Variants in PDZRN3 observed in about 807,000 individuals in gnomAD.
PDZRN3 encodes the protein PDZ domain containing ring finger 3, also known as E3 ubiquitin-protein ligase PDZRN3.
PDZRN3 carries 38 observed loss-of-function variants against 85.7 expected under a neutral mutation model. The observed-to-expected ratio is 0.44, with a 90% CI of 0.34 to 0.58. The LOEUF is 0.58. PDZRN3 is among the 20% of genes least tolerant of loss of function. The pLI, the probability that PDZRN3 is intolerant of heterozygous loss-of-function variation, is 0.01. For missense variants in PDZRN3, 1,629 were observed against 1,506.4 expected (o/e 1.08, Z -1.35); for synonymous variants, 759 against 638.0 (o/e 1.19, Z -2.86).
At position 73,453,677 on chromosome 3, in the gene PDZRN3, AAC is replaced by A. The variant is rs748351932; in HGVS notation, c.919-49284_919-49283del. ...TAGCAACGTTGATATTGTAATGCAA[AAC>A]ACAGTTTGAAAAACTCTTAAATTTC... is the stretch of plus-strand genomic sequence containing the variant. On this transcript the variant is annotated intron_variant, in intron 3 of 9. Transcript: ENST00000263666. 3.3e-5 allele frequency among the ~76,000 whole-genome samples: 5 copies of A among 152,112 alleles called. No homozygotes were observed. In the South Asian group the frequency reaches 6.2e-4, roughly 19 times the overall value.
intron 5 of PDZRN3, among the ~76,000 whole-genome samples, chr3:73,399,674 C>T (rs1189112654): frequency 1.3e-5 from 2 of 152,122 alleles, no homozygotes; most frequent in African/African-American, 4.8e-5. Context: ...TTTTCTGGAA[C>T]AATTGTTAAA....
At chr3:73,393,279 T>C (rs1360537954) in intron 5 of PDZRN3, among the ~76,000 whole-genome samples, 1 of 152,182 alleles carries the variant, frequency 6.6e-6, no homozygotes, top group East Asian at 1.9e-4. Context: ...TCTGAATGGC[T>C]GGCCGCCAAG....
Position 73,414,480 on chromosome 3 carries a change from G to T in PDZRN3, c.919-10085C>A, listed in dbSNP as rs151035328. Among the ~76,000 whole-genome samples the T allele has an allele frequency of 3.1e-3, 470 of 152,180 alleles. 5 individuals carry two copies. Among genetic ancestry groups the T allele is most frequent in the African/African-American group, 0.011 (453 of 41,504 alleles). ...ATCCAAAGAAATAAAATTATGATGTGTATCACTTGATCAAAATTAATTTTG... is the reference window on the plus strand; with the variant it reads ...ATCCAAAGAAATAAAATTATGATGTTTATCACTTGATCAAAATTAATTTTG... On this transcript the variant is annotated intron_variant, in intron 3 of 9. Transcript: ENST00000263666.
intron 2 of PDZRN3, among the ~76,000 whole-genome samples, chr3:73,607,849 ACTT>A: frequency 6.6e-6 from 1 of 152,176 alleles, no homozygotes; most frequent in Admixed American, 6.5e-5. Context: ...TATGTTCAAT[ACTT>A]ATTTGTTGAA....
intron 5 of PDZRN3, among the ~76,000 whole-genome samples, chr3:73,399,723 AC>A (rs1217816748): frequency 1.3e-5 from 2 of 152,146 alleles, no homozygotes; most frequent in Non-Finnish European, 2.9e-5. Context: ...GCAAGCAGAA[AC>A]AGTCAAGTTT....
Position 73,385,804 on chromosome 3 carries a change from A to G in PDZRN3, c.1519-19T>C, listed in dbSNP as rs779489042. 7 of 1,341,466 alleles carry G rather than the reference A, an allele frequency of 5.2e-6. No individual in the cohort carries two copies. The East Asian group carries it at 1.6e-4, about 31-fold the overall frequency. 83.1% of individuals were successfully genotyped at this position (1,341,466 alleles called of 1,614,324 possible). ...CATCCAGCTGCAGGCAAGAGCAGCCAACACATGCCTTAGAAGTTTCCTTTC... is the reference window on the plus strand; with the variant it reads ...CATCCAGCTGCAGGCAAGAGCAGCCGACACATGCCTTAGAAGTTTCCTTTC... On this transcript the variant is annotated intron_variant, in intron 8 of 9. Transcript: ENST00000263666.
intron 1 of PDZRN3, among the ~76,000 whole-genome samples, chr3:73,617,961 C>T (rs999015942): frequency 1.3e-5 from 2 of 152,230 alleles, no homozygotes; most frequent in African/African-American, 4.8e-5. Context: ...CCGGCTAGGC[C>T]TCCCAAACTG....
chr3:73,400,929 T>G lies in PDZRN3; in HGVS notation c.1247A>C (p.Glu416Ala). 1 of 1,609,828 alleles carries G rather than the reference T, an allele frequency of 6.2e-7. No individual in the cohort carries two copies. The highest frequency in any genetic ancestry group is 8.5e-7 in the Non-Finnish European group (1 of 1,176,040). The change falls in exon 5 of 10, where the codon GAG (glutamate) becomes GCG (alanine). Residue 416 changes from glutamate (E) to alanine (A), a missense_variant. Glu to Ala is a moderately radical substitution (Grantham distance 107). Transcript: ENST00000263666. The stretch of plus-strand genomic sequence containing the variant: ...CAAGGATGTTCTTCATACCTCCAGC[T>G]CCAGCTCCTCCCTGTCCATCTCCTG... ...IHQEMDREEL[E>A]LEEVDLYRMN...
At chr3:73,421,794 T>C (rs1702208397) in intron 3 of PDZRN3, among the ~76,000 whole-genome samples, 1 of 152,108 alleles carries the variant, frequency 6.6e-6, no homozygotes, top group Non-Finnish European at 1.5e-5. Flanking sequence ...ACTACAGGTG[T>C]GTGCCACCAC....
chr3:73,587,482 T>C (rs1702294752), intron 3 of PDZRN3, among the ~76,000 whole-genome samples: 2 of 152,184 alleles, frequency 1.3e-5, no homozygotes, highest in South Asian at 4.1e-4. Flanking sequence ...ATACAGTAAA[T>C]AGCTACAAAT....
intron 3 of PDZRN3, among the ~76,000 whole-genome samples, chr3:73,447,757 C>G (rs1702779554): frequency 6.6e-6 from 1 of 152,182 alleles, no homozygotes; most frequent in Middle Eastern, 3.2e-3. Flanking sequence ...GTGGCCCCAG[C>G]CTTCTGTTAA....
chr3:73,548,831 G>C (rs1701488184), intron 3 of PDZRN3, among the ~76,000 whole-genome samples: 1 of 152,052 alleles, frequency 6.6e-6, no homozygotes, highest in African/African-American at 2.4e-5. Context: ...ACAAAAAGCA[G>C]GACAACAGAT....
intron 3 of PDZRN3, among the ~76,000 whole-genome samples, chr3:73,597,524 C>T (rs570493444): frequency 6.6e-6 from 1 of 152,222 alleles, no homozygotes; most frequent in East Asian, 1.9e-4. Flanking sequence ...AGATTGCTAG[C>T]TCAAAGCAGA....
intron 3 of PDZRN3, among the ~76,000 whole-genome samples, chr3:73,570,773 G>A (rs34985929): frequency 6.6e-6 from 1 of 152,156 alleles, no homozygotes; most frequent in South Asian, 2.1e-4. Context: ...GAGAAAAGAG[G>A]AGGAGGAGAA....
chr3:73,391,147 TC>T, intron 5 of PDZRN3, 31 bp from the exon 6 acceptor site: 1 of 1,349,350 alleles, frequency 7.4e-7, no homozygotes, highest in Non-Finnish European at 1.1e-6. Context: ...CCAGTGAGAC[TC>T]CAGCAGGCAA....
In PDZRN3 at chr3:73,438,462, A is replaced by C. The variant is rs1188972288; in HGVS notation, c.919-34067T>G. On this transcript the variant is annotated intron_variant, in intron 3 of 9. Coordinates refer to ENST00000263666, the MANE Select transcript of PDZRN3 (RefSeq NM_015009.3). ...TATTGTAATGATGAGCACAGGTCTCACCATGCTATGAACTTCCAGTCCAGC... is the reference window on the plus strand; with the variant it reads ...TATTGTAATGATGAGCACAGGTCTCCCCATGCTATGAACTTCCAGTCCAGC... 2.6e-5 allele frequency among the ~76,000 whole-genome samples: 4 copies of C among 152,362 alleles called. No individual in the cohort carries two copies. The East Asian group carries it at 7.7e-4, about 29-fold the overall frequency.
chr3:73,612,204 A>T (rs985898881), intron 1 of PDZRN3, among the ~76,000 whole-genome samples: 1 of 152,216 alleles, frequency 6.6e-6, no homozygotes, highest in Non-Finnish European at 1.5e-5. Flanking sequence ...CATTGTATCA[A>T]TGCTCTAAAC....
chr3:73,478,780 G>C (rs936073972), intron 3 of PDZRN3, among the ~76,000 whole-genome samples: 3 of 152,090 alleles, frequency 2.0e-5, no homozygotes, highest in Non-Finnish European at 4.4e-5. Flanking sequence ...TCAAAAGAAA[G>C]GTCCAGTTCT....
chr3:73,449,458 A>G (rs1489603417), intron 3 of PDZRN3, among the ~76,000 whole-genome samples: 2 of 152,132 alleles, frequency 1.3e-5, no homozygotes, highest in African/African-American at 4.8e-5. Flanking sequence ...GGAAGGCCAC[A>G]CTGAGTTCCA....
Sources: gnomAD v4.1 joint callset for allele counts (sites outside exome capture counted in the v4.1 genomes callset) on GRCh38, gnomAD v4.1.1 for gene constraint, MANE v1.5 for transcripts, NCBI Gene and HGNC (gene_info 2026-07-23, HGNC 2026-07-21) for gene names.